Variants in PDGFD observed in about 807,000 individuals in gnomAD.
The protein encoded by PDGFD is platelet derived growth factor D, also known as platelet-derived growth factor D.
In PDGFD, 30 loss-of-function variants were observed where a neutral mutation model predicts 44.7. The observed-to-expected ratio is 0.67, with a 90% CI of 0.50 to 0.91. The LOEUF is 0.91. PDGFD is among the 40% of genes least tolerant of loss of function. PDGFD has a pLI of 0.00. For synonymous variants in PDGFD, 173 were observed against 168.4 expected, an observed-to-expected ratio of 1.03 and a Z score of -0.21; for missense variants, 445 against 457.8, an observed-to-expected ratio of 0.97 and a Z score of 0.25.
chr11:104,006,451 G>A (rs1166155941), intron 1 of PDGFD, among the ~76,000 whole-genome samples: 1 of 152,184 alleles, frequency 6.6e-6, no homozygotes, highest in East Asian at 1.9e-4. Context: ...ATATGGACAG[G>A]AGTCAGAGAA....
At chr11:103,927,636 T>A (rs1325895454) in intron 5 of PDGFD, among the ~76,000 whole-genome samples, 1 of 152,220 alleles carries the variant, frequency 6.6e-6, no homozygotes, top group Non-Finnish European at 1.5e-5. Flanking sequence ...GGGTTTTAGT[T>A]TTATTTTTAA....
At position 104,015,426 on chromosome 11, in the gene PDGFD, T is replaced by C. The variant is rs115560763; in HGVS notation, c.125-15171A>G. On this transcript the variant is annotated intron_variant, in intron 1 of 6. Transcript: ENST00000393158. ...AAATTAATCTGAGAAAAAAGACCAA[T>C]TTTAGAGGCAAGAAGAACTACAGGT... 1.0e-2 allele frequency among the ~76,000 whole-genome samples: 1,519 copies of C among 152,272 alleles called. 22 individuals are homozygous for C. The highest frequency in any genetic ancestry group is 0.035 in the African/African-American group (1,448 of 41,552).
chr11:104,035,044 G>A (rs1213045157), intron 1 of PDGFD, among the ~76,000 whole-genome samples: 1 of 151,940 alleles, frequency 6.6e-6, no homozygotes, highest in African/African-American at 2.4e-5. Flanking sequence ...AGCCTTGTAT[G>A]TGTGTGTGTG....
chr11:104,027,967 G>A (rs897457387), intron 1 of PDGFD, among the ~76,000 whole-genome samples: 1 of 151,846 alleles, frequency 6.6e-6, no homozygotes, highest in South Asian at 2.1e-4. Context: ...GAGGCAGGAG[G>A]ATCAAGAGGT....
At chr11:103,984,379 CAGG>C (rs1368360813) in intron 3 of PDGFD, among the ~76,000 whole-genome samples, 1 of 151,386 alleles carries the variant, frequency 6.6e-6, no homozygotes, top group Non-Finnish European at 1.5e-5. Context: ...TGGACACATA[CAGG>C]GGAACAAGAC....
intron 6 of PDGFD, among the ~76,000 whole-genome samples, chr11:103,911,226 A>G (rs1040031176): frequency 2.6e-5 from 4 of 152,122 alleles, no homozygotes; most frequent in Non-Finnish European, 5.9e-5. Flanking sequence ...ACAGCATTTG[A>G]GCTCTGATAA....
intron 6 of PDGFD, among the ~76,000 whole-genome samples, chr11:103,925,621 G>C (rs1397192269): frequency 1.3e-5 from 2 of 148,270 alleles, no homozygotes; most frequent in African/African-American, 2.5e-5. Flanking sequence ...TGTCACGGAA[G>C]AGCTCTAACT....
chr11:103,914,626 C>T (rs1420072137), intron 6 of PDGFD, among the ~76,000 whole-genome samples: 1 of 152,164 alleles, frequency 6.6e-6, no homozygotes, highest in Non-Finnish European at 1.5e-5. Flanking sequence ...ATACCAAAAC[C>T]TAGCAGTGAC....
At chr11:104,120,131 T>C (rs1861751170) in intron 1 of PDGFD, among the ~76,000 whole-genome samples, 1 of 150,802 alleles carries the variant, frequency 6.6e-6, no homozygotes, top group Non-Finnish European at 1.5e-5. Context: ...TTTCTTTCAG[T>C]TTTTCTTCCA....
chr11:104,013,857 T>A (rs532084806), intron 1 of PDGFD, among the ~76,000 whole-genome samples: 83 of 151,846 alleles, frequency 5.5e-4, no homozygotes, highest in African/African-American at 2.0e-3. Context: ...AGCAGAAGAT[T>A]CATAAAGATT....
At chr11:103,949,831 T>C (rs914704315) in intron 3 of PDGFD, among the ~76,000 whole-genome samples, 2 of 152,158 alleles carry the variant, frequency 1.3e-5, no homozygotes, top group Non-Finnish European at 2.9e-5. Flanking sequence ...TGAAAAAATT[T>C]CACATAGGAA....
At chr11:103,920,775 G>A (rs1858203055) in intron 6 of PDGFD, among the ~76,000 whole-genome samples, 1 of 152,186 alleles carries the variant, frequency 6.6e-6, no homozygotes, top group East Asian at 1.9e-4. Context: ...CATTGCCATT[G>A]TCAAGATGAG....
chr11:103,941,840 T>G (rs1858589226), intron 5 of PDGFD, among the ~76,000 whole-genome samples: 1 of 152,110 alleles, frequency 6.6e-6, no homozygotes, highest in Non-Finnish European at 1.5e-5. Flanking sequence ...CCAATACTAT[T>G]TTTATATAAA....
intron 6 of PDGFD, among the ~76,000 whole-genome samples, chr11:103,916,595 C>T (rs550574083): frequency 1.3e-5 from 2 of 152,234 alleles, no homozygotes; most frequent in South Asian, 4.2e-4. Flanking sequence ...TGAGTATATA[C>T]CCAAAGGAAT....
intron 1 of PDGFD, among the ~76,000 whole-genome samples, chr11:104,018,711 G>A (rs1859900643): frequency 1.3e-5 from 2 of 152,196 alleles, no homozygotes; most frequent in African/African-American, 4.8e-5. Context: ...ACTCATACAT[G>A]TCCTTTTCTG....
chr11:104,066,286 TA>T (rs1400469240), intron 1 of PDGFD, among the ~76,000 whole-genome samples: 4 of 152,190 alleles, frequency 2.6e-5, no homozygotes, highest in African/African-American at 7.2e-5. Context: ...AAATAAATTT[TA>T]AAAATACTGA....
intron 1 of PDGFD, among the ~76,000 whole-genome samples, chr11:104,129,999 T>C (rs1047041278): frequency 2.1e-4 from 15 of 72,004 alleles, no homozygotes; most frequent in African/African-American, 6.8e-4. Flanking sequence ...ACAAGACCTC[T>C]GAAAAAAAAA....
intron 3 of PDGFD, among the ~76,000 whole-genome samples, chr11:103,993,055 TTTTGTTTGTTTG>T (rs143505931): frequency 2.0e-5 from 3 of 151,468 alleles, no homozygotes; most frequent in South Asian, 4.2e-4. Flanking sequence ...CGTGTGCTGT[TTTTGTTTGTTTG>T]TTTGTTTGTT....
chr11:103,927,266 TACTGGGA>T, intron 5 of PDGFD, 140 bp from the exon 6 acceptor site: 1 of 705,008 alleles, frequency 1.4e-6, no homozygotes, highest in Non-Finnish European at 2.4e-6. Context: ...GGCTCTCAAT[TACTGGGA>T]ACCTAAAGTA....
Sources: allele counts gnomAD v4.1 joint callset (sites outside exome capture counted in the v4.1 genomes callset), GRCh38; gene constraint gnomAD v4.1.1; transcripts MANE v1.5; gene names NCBI Gene and HGNC (gene_info 2026-07-23, HGNC 2026-07-21).